Variants in FRMD4B observed in about 807,000 individuals in gnomAD.
The protein encoded by FRMD4B is FERM domain containing 4B, also known as FERM domain-containing protein 4B.
A neutral mutation model predicts 141.5 loss-of-function variants in FRMD4B; 74 were observed. That is an observed-to-expected ratio of 0.52 (90% CI 0.43 to 0.63). The LOEUF is 0.63. Among genes scored for constraint, FRMD4B ranks in the 30% least tolerant of loss-of-function variants. The probability of loss-of-function intolerance (pLI) is 0.00; values close to 1 mark genes in which losing one functional copy is unlikely to be tolerated. For missense variants in FRMD4B, 1,366 were observed against 1,253.4 expected (o/e 1.09, Z -1.36); for synonymous variants, 506 against 467.9 (o/e 1.08, Z -1.05).
Position 69,169,180 on chromosome 3 carries a change from G to T in FRMD4B, c.*2681C>A, listed in dbSNP as rs534014387. Among the ~76,000 whole-genome samples, 7 of 152,006 alleles carry T rather than the reference G, an allele frequency of 4.6e-5. No homozygotes were observed. Among genetic ancestry groups the T allele is most frequent in the African/African-American group, 1.7e-4 (7 of 41,488 alleles). On this transcript the variant is annotated 3_prime_UTR_variant, in exon 23 of 23. Transcript: ENST00000398540. The stretch of plus-strand genomic sequence containing the variant: ...CTATTTTGGTTTTGCATTTAACCAT[G>T]GTATTTTGTAATAAAAAAGAGGAAA...
In FRMD4B at chr3:69,196,914, G is replaced by C. The variant is rs144459338; in HGVS notation, c.1078C>G (p.Arg360Gly). ...AISQHQFYLD[R>G]KQSKAKIPSA... is the part of the protein sequence containing the mutation. ...CAGTTACTTACTTTGCTTTGCTTCC[G>C]GTCCAAGTAAAACTGATGCTGACTA... The change falls in exon 13 of 23, where the codon CGG becomes GGG. Residue 360 changes from arginine (R) to glycine (G), a missense_variant. By Grantham distance (125) the Arg-to-Gly change is moderately radical. Transcript: ENST00000398540. 7.5e-5 allele frequency: 120 copies of C among 1,610,352 alleles called. No homozygotes were observed. The East Asian group carries it at 2.1e-3, about 28-fold the overall frequency.
intron 1 of FRMD4B, among the ~76,000 whole-genome samples, chr3:69,502,716 A>C (rs945181295): frequency 2.2e-5 from 3 of 133,762 alleles, no homozygotes; most frequent in African/African-American, 6.8e-5. Context: ...TCTGCACAGC[A>C]AAAAAAAAAC....
intron 2 of FRMD4B, among the ~76,000 whole-genome samples, chr3:69,413,364 T>C (rs1704793879): frequency 6.6e-6 from 1 of 152,192 alleles, no homozygotes; most frequent in African/African-American, 2.4e-5. Flanking sequence ...CAAGGTCACT[T>C]AGCCTGGACT....
intron 19 of FRMD4B, among the ~76,000 whole-genome samples, chr3:69,184,269 G>T (rs1175422368): frequency 6.6e-6 from 1 of 152,034 alleles, no homozygotes; most frequent in East Asian, 1.9e-4. Flanking sequence ...TTTTTCCTAA[G>T]CACATAAACT....
intron 1 of FRMD4B, among the ~76,000 whole-genome samples, chr3:69,470,876 C>T (rs1264520816): frequency 6.6e-6 from 1 of 152,168 alleles, no homozygotes; most frequent in Non-Finnish European, 1.5e-5. Context: ...TATGTAAGCA[C>T]TTAGGCTAAA....
intron 1 of FRMD4B, among the ~76,000 whole-genome samples, chr3:69,479,348 T>C (rs1477591530): frequency 6.6e-6 from 1 of 152,052 alleles, no homozygotes. Flanking sequence ...CTGGTACCGG[T>C]TGTTCCTTTC....
Position 69,187,869 on chromosome 3 carries a change from T to G in FRMD4B, c.1820A>C (p.His607Pro). The change falls in exon 19 of 23, where the codon CAT becomes CCT. Residue 607 changes from histidine (H) to proline (P), a missense_variant. By Grantham distance (77) the His-to-Pro change is moderately conservative. Transcript: ENST00000398540. ...CTTGGGGGGAAGAATTCTTGGAGAA[T>G]GAGGTACTGAACTTGATCGCTGCCC... ...FPGQRSSSVP[H>P]SPRILPPKSL... 1 of 1,608,974 alleles carries G rather than the reference T, an allele frequency of 6.2e-7. No homozygotes were observed. Among genetic ancestry groups the G allele is most frequent in the East Asian group, 2.2e-5 (1 of 44,778 alleles).
At chr3:69,443,307 G>A (rs1013139807) in intron 1 of FRMD4B, among the ~76,000 whole-genome samples, 3 of 152,082 alleles carry the variant, frequency 2.0e-5, no homozygotes, top group Non-Finnish European at 2.9e-5. Context: ...TTGGGAGAGC[G>A]GCACATCCCA....
intron 9 of FRMD4B, among the ~76,000 whole-genome samples, chr3:69,219,274 A>C (rs956019693): frequency 2.0e-5 from 3 of 152,158 alleles, no homozygotes; most frequent in Non-Finnish European, 4.4e-5. Context: ...GGGGTGGACT[A>C]AATTTTGTAA....
chr3:69,250,082 C>G lies in FRMD4B; in HGVS notation c.519G>C (p.Glu173Asp), dbSNP rs4361282. ...ACVHKGQIEV[E>D]SETIFKLAAF... ...CTGCTAACTTGAAGATGGTTTCGCT[C>G]TCTACTTCGATTTGCCCCTGTTGAT... The change falls in exon 6 of 23, where the codon GAG becomes GAC. Residue 173 changes from glutamate (E) to aspartate (D), a missense_variant. Transcript: ENST00000398540. The G allele has an allele frequency of 0.22, 351,941 of 1,605,782 alleles. 39,727 individuals carry two copies. The highest frequency in any genetic ancestry group is 0.32 in the African/African-American group (24,001 of 74,726).
rs148136771 is a variant in FRMD4B at position 69,377,031 on chromosome 3, G to T, written c.162+8797C>A. The T allele has an allele frequency of 1.4e-3, 212 of 152,100 alleles. 1 individual carries two copies. Among genetic ancestry groups the T allele is most frequent in the African/African-American group, 4.8e-3 (201 of 41,474 alleles). 9.4% of individuals were successfully genotyped at this position (152,100 alleles called of 1,614,324 possible). On this transcript the variant is annotated intron_variant, in intron 1 of 22. Coordinates refer to ENST00000398540, the MANE Select transcript of FRMD4B (RefSeq NM_015123.3). ...GATGCTTTTCAAGCTGTGCAACAAA[G>T]GTTCAAAAATGCTTTTCAAAGAACC...
intron 3 of FRMD4B, among the ~76,000 whole-genome samples, chr3:69,304,480 T>A (rs1162217812): frequency 8.8e-6 from 1 of 113,198 alleles, no homozygotes; most frequent in African/African-American, 3.7e-5. Flanking sequence ...CAAGATTCTA[T>A]CTCAAAAAAA....
At chr3:69,329,717 A>C (rs1702305078) in intron 1 of FRMD4B, among the ~76,000 whole-genome samples, 2 of 151,274 alleles carry the variant, frequency 1.3e-5, no homozygotes, top group African/African-American at 4.9e-5. Context: ...TTTTTAGTAG[A>C]GACGGGGTTT....
At chr3:69,201,191 A>G (rs2092963057) in intron 11 of FRMD4B, among the ~76,000 whole-genome samples, 1 of 152,222 alleles carries the variant, frequency 6.6e-6, no homozygotes, top group Non-Finnish European at 1.5e-5. Context: ...GTTTGTGCAA[A>G]GTATGATTTC....
intron 11 of FRMD4B, among the ~76,000 whole-genome samples, chr3:69,210,713 C>T (rs1017098114): frequency 6.6e-6 from 1 of 152,014 alleles, no homozygotes; most frequent in Admixed American, 6.6e-5. Flanking sequence ...TCTCCGAAAA[C>T]AGAAAATTTG....
chr3:69,471,213 T>C (rs1208695129), intron 1 of FRMD4B, among the ~76,000 whole-genome samples: 3 of 152,180 alleles, frequency 2.0e-5, no homozygotes, highest in Non-Finnish European at 1.5e-5. Flanking sequence ...TGTAATCAAA[T>C]AGACCGGGCT....
At chr3:69,496,466 C>A (rs1212781965) in intron 1 of FRMD4B, among the ~76,000 whole-genome samples, 1 of 152,060 alleles carries the variant, frequency 6.6e-6, no homozygotes, top group Non-Finnish European at 1.5e-5. Context: ...AGTCTTGGGA[C>A]TTGTGCAGAA....
intron 1 of FRMD4B, among the ~76,000 whole-genome samples, chr3:69,477,910 A>T (rs1402717282): frequency 3.3e-5 from 5 of 152,134 alleles, no homozygotes; most frequent in African/African-American, 1.2e-4. Flanking sequence ...CAGAGATTCA[A>T]CTTCTTCCTG....
chr3:69,194,962 A>G, intron 16 of FRMD4B, 60 bp downstream of exon 16: 2 of 1,506,480 alleles, frequency 1.3e-6, no homozygotes, highest in South Asian at 2.4e-5. Context: ...AATGTCCACT[A>G]CACTCAGACA....
Sources: allele counts gnomAD v4.1 joint callset (sites outside exome capture counted in the v4.1 genomes callset), GRCh38; gene constraint gnomAD v4.1.1; transcripts MANE v1.5; gene names NCBI Gene and HGNC (gene_info 2026-07-23, HGNC 2026-07-21).